The following NLRP9 variants were observed in gnomAD, a reference collection of about 807,000 sequenced individuals.
NLRP9 encodes the protein NACHT, LRR and PYD domains-containing protein 9.
In NLRP9, 88 loss-of-function variants were observed where a neutral mutation model predicts 83.1. That is an observed-to-expected ratio of 1.06 (90% CI 0.89 to 1.26). The LOEUF (loss-of-function observed/expected upper bound fraction) is 1.26. Ranked by LOEUF, NLRP9 falls within the 50% of genes most tolerant of loss-of-function variation. The pLI, the probability that NLRP9 is intolerant of heterozygous loss-of-function variation, is 0.00. For synonymous variants in NLRP9, 521 were observed against 447.6 expected, an observed-to-expected ratio of 1.16 and a Z score of -2.07; for missense variants, 1,308 against 1,179.3, an observed-to-expected ratio of 1.11 and a Z score of -1.60.
rs781127020 is a variant in NLRP9 at position 55,711,801 on chromosome 19, C to G, written c.2842G>C (p.Gly948Arg). 2 of 1,612,996 alleles carry G rather than the reference C, an allele frequency of 1.2e-6. No homozygotes were observed. Among genetic ancestry groups the G allele is most frequent in the South Asian group, 2.2e-5 (2 of 91,066 alleles). ...SHPDCALQMLGLHKSGFDEET... is the reference protein window; with the variant it reads ...SHPDCALQMLRLHKSGFDEET... ...CCAAAGGAAACAGTGTCCACTCACC[C>G]CAGCATCTGCAGGGCACAGTCCGGG... The change falls in exon 8 of 9, where the codon GGG becomes CGG. Residue 948 changes from glycine (G) to arginine (R), a missense_variant and splice_region_variant. Gly to Arg is a moderately radical substitution (Grantham distance 125). Coordinates refer to ENST00000332836, the MANE Select transcript of NLRP9 (RefSeq NM_176820.4).
chr19:55,731,369 A>T (rs1988563339), intron 2 of NLRP9, among the ~76,000 whole-genome samples: 1 of 152,026 alleles, frequency 6.6e-6, no homozygotes, highest in South Asian at 2.1e-4. Flanking sequence ...TGGTGAAAAA[A>T]AAAAAGAAGA....
At chr19:55,722,590 G>C (rs1020807464) in intron 4 of NLRP9, among the ~76,000 whole-genome samples, 1 of 152,166 alleles carries the variant, frequency 6.6e-6, no homozygotes, top group Non-Finnish European at 1.5e-5. Context: ...ATTCTCTTAG[G>C]GGGTTTAGTG....
chr19:55,737,882 AG>A (rs1371966886), intron 1 of NLRP9, among the ~76,000 whole-genome samples: 1 of 152,118 alleles, frequency 6.6e-6, no homozygotes, highest in Non-Finnish European at 1.5e-5. Context: ...GACACTCCAT[AG>A]GTGAACAGTT....
intron 1 of NLRP9, among the ~76,000 whole-genome samples, chr19:55,735,304 A>G (rs1171776793): frequency 1.3e-5 from 2 of 152,054 alleles, no homozygotes; most frequent in Non-Finnish European, 2.9e-5. Flanking sequence ...TAAAACATAC[A>G]TGCTAGGCAC....
At chr19:55,714,956 C>T in intron 6 of NLRP9, 99 bp downstream of exon 6, 2 of 1,154,614 alleles carry the variant, frequency 1.7e-6, no homozygotes, top group East Asian at 2.4e-5. Context: ...AGGACATATA[C>T]ATTCAGATGC....
chr19:55,728,601 A>G (rs1988470252), intron 3 of NLRP9, among the ~76,000 whole-genome samples: 1 of 152,128 alleles, frequency 6.6e-6, no homozygotes, highest in Admixed American at 6.5e-5. Flanking sequence ...AAACAAAAAC[A>G]AACAAACAAA....
In NLRP9 at chr19:55,712,430, C is replaced by G. The variant is rs780476740; in HGVS notation, c.2662G>C (p.Glu888Gln). Residue 888 changes from glutamate (E) to glutamine (Q), a missense_variant, in exon 7 of 9, where the codon GAG (glutamate) becomes CAG (glutamine). Glu to Gln is a conservative substitution (Grantham distance 29, BLOSUM62 2). Transcript: ENST00000332836. ...TCAGTAGATACTCACCCGAGACACT[C>G]TAATTTACAGTGAGGATGCTGCAAA... ...AALQHPHCKLECLGLQTCPIT... is the reference protein window; with the variant it reads ...AALQHPHCKLQCLGLQTCPIT... 5.6e-6 allele frequency: 9 copies of G among 1,612,332 alleles called. No individual in the cohort carries two copies. In the Admixed American group the frequency reaches 1.5e-4, roughly 27 times the overall value.
At chr19:55,715,637 T>C (rs979747306) in intron 5 of NLRP9, among the ~76,000 whole-genome samples, 5 of 152,104 alleles carry the variant, frequency 3.3e-5, no homozygotes, top group African/African-American at 1.2e-4. Context: ...TGAGCTGAGA[T>C]CGTGCCACTG....
chr19:55,733,233 C>G lies in NLRP9; in HGVS notation c.598G>C (p.Glu200Gln), dbSNP rs1332878467. The change falls in exon 2 of 9, where the codon GAG becomes CAG. Residue 200 changes from glutamate (E) to glutamine (Q), a missense_variant. Transcript: ENST00000332836. The stretch of plus-strand genomic sequence containing the variant: ...TCCGGCCAGTCCCTAGAGAGGAGCT[C>G]CAGTAAGCTGGTCTCTGCGATACCG... ...MNGIAETSLL[E>Q]LLSRDWPESS... 6.2e-7 allele frequency: 1 copy of G among 1,613,656 alleles called. No individual in the cohort carries two copies.
chr19:55,715,135 G>A lies in NLRP9; in HGVS notation c.2421C>T (p.Gly807=). Residue 807 remains glycine, a synonymous_variant, in exon 6 of 9, where the codon GGC becomes GGT. Coordinates refer to ENST00000332836, the MANE Select transcript of NLRP9 (RefSeq NM_176820.4). ...CSKSLSLLDL[G]SNALEDNGVA... ...CTCCATTATCTTCCAGGGCATTTGA[G>A]CCCAGATCGAGGAGGGACAGGGACT... 1.2e-6 allele frequency: 2 copies of A among 1,613,272 alleles called. No individual in the cohort carries two copies. The highest frequency in any genetic ancestry group is 2.2e-5 in the East Asian group (1 of 44,864).
At chr19:55,722,563 G>A (rs1375103396) in intron 4 of NLRP9, among the ~76,000 whole-genome samples, 1 of 152,186 alleles carries the variant, frequency 6.6e-6, no homozygotes, top group Non-Finnish European at 1.5e-5. Context: ...ACAGTGAACT[G>A]GGAGAGAGAA....
intron 3 of NLRP9, among the ~76,000 whole-genome samples, chr19:55,725,616 G>A (rs1988376279): frequency 6.6e-6 from 1 of 152,152 alleles, no homozygotes; most frequent in South Asian, 2.1e-4. Flanking sequence ...GGTACCACCT[G>A]CCCGGAGATA....
At chr19:55,727,386 A>G (rs1041685659) in intron 3 of NLRP9, among the ~76,000 whole-genome samples, 8 of 152,238 alleles carry the variant, frequency 5.3e-5, no homozygotes, top group African/African-American at 1.7e-4. Flanking sequence ...ACCCAGGTTT[A>G]TCCAGATTAC....
intron 2 of NLRP9, 35 bp from the exon 3 acceptor site, chr19:55,730,027 C>T (rs369079707): frequency 1.3e-6 from 2 of 1,586,058 alleles, no homozygotes; most frequent in East Asian, 2.2e-5. Context: ...TCTCCAGTGG[C>T]TAAACTCAAT....
chr19:55,722,397 C>A (rs957441954), intron 4 of NLRP9, among the ~76,000 whole-genome samples: 1 of 152,082 alleles, frequency 6.6e-6, no homozygotes, highest in Non-Finnish European at 1.5e-5. Context: ...ATGGAAACAG[C>A]TTGAATAAGG....
intron 6 of NLRP9, among the ~76,000 whole-genome samples, chr19:55,712,851 AGT>A (rs762346442): frequency 0.028 from 30 of 1,062 alleles, 9 homozygotes; most frequent in African/African-American, 0.13. Flanking sequence ...GAGGAAGAGG[AGT>A]GGGAGGGGAA....
In NLRP9 at chr19:55,716,915, C is replaced by T; in HGVS notation, c.2160-17G>A. The T allele has an allele frequency of 1.9e-6, 3 of 1,607,388 alleles. No individual in the cohort carries two copies. The highest frequency in any genetic ancestry group is 2.6e-6 in the Non-Finnish European group (3 of 1,174,440). ...TTTCCCAGTCTACATGTGAAACACA[C>T]ACCATGAGACGGACCAAAGCTTTCA... On this transcript the variant is annotated splice_polypyrimidine_tract_variant and intron_variant, in intron 4 of 8. Transcript: ENST00000332836.
At position 55,712,528 on chromosome 19, in the gene NLRP9, T is replaced by C. The variant is rs754322797; in HGVS notation, c.2564A>G (p.Asn855Ser). 11 of 1,612,426 alleles carry C rather than the reference T, an allele frequency of 6.8e-6. No individual in the cohort carries two copies. Among genetic ancestry groups the C allele is most frequent in the African/African-American group, 1.3e-5 (1 of 74,802 alleles). ...CKDIAAVLIC[N>S]GKLKTLKLGH... The stretch of plus-strand genomic sequence containing the variant: ...AAGTTTCAGGGTCTTCAGTTTCCCA[T>C]TGCAAATAAGAACAGCAGCAATGTC... Residue 855 changes from asparagine (N) to serine (S), a missense_variant, in exon 7 of 9, where the codon AAT (asparagine) becomes AGT (serine). Physicochemically the swap from Asn to Ser is conservative, Grantham distance 46. Coordinates refer to ENST00000332836, the MANE Select transcript of NLRP9 (RefSeq NM_176820.4).
chr19:55,723,959 G>A, intron 4 of NLRP9, 21 bp downstream of exon 4: 2 of 1,593,394 alleles, frequency 1.3e-6, no homozygotes, highest in Non-Finnish European at 1.7e-6. Context: ...ACAGCACTCG[G>A]CATGAACAGC....
Sources: gnomAD v4.1 joint callset for allele counts (sites outside exome capture counted in the v4.1 genomes callset) on GRCh38, gnomAD v4.1.1 for gene constraint, MANE v1.5 for transcripts, NCBI Gene and HGNC (gene_info 2026-07-23, HGNC 2026-07-21) for gene names.